The following GCH1 variants were observed in gnomAD, a reference collection of about 807,000 sequenced individuals.
GCH1 encodes the protein GTP cyclohydrolase 1.
Under a neutral mutation model 25.9 loss-of-function variants are expected in GCH1, and 5 were observed. The ratio of observed to expected loss-of-function variants is 0.19; its 90% CI spans 0.10 to 0.41. The LOEUF is 0.41. Ranked by LOEUF, GCH1 falls within the 10% of genes least tolerant of loss-of-function variation. The pLI is 1.00. For synonymous variants in GCH1, 159 were observed against 129.6 expected, an observed-to-expected ratio of 1.23 and a Z score of -1.54; for missense variants, 261 against 336.5, an observed-to-expected ratio of 0.78 and a Z score of 1.75.
At chr14:54,901,318 G>C (rs1158750484) in intron 1 of GCH1, among the ~76,000 whole-genome samples, 1 of 152,184 alleles carries the variant, frequency 6.6e-6, no homozygotes, top group African/African-American at 2.4e-5. Flanking sequence ...GGAAGGTGTA[G>C]ACTGGAAAAT....
intron 3 of GCH1, among the ~76,000 whole-genome samples, chr14:54,855,197 A>G (rs940638909): frequency 4.6e-5 from 7 of 152,148 alleles, no homozygotes; most frequent in Non-Finnish European, 1.0e-4. Flanking sequence ...ACTTCAAGGT[A>G]TTTTAAATTT....
At chr14:54,889,033 C>G (rs541528666) in intron 1 of GCH1, among the ~76,000 whole-genome samples, 13 of 152,290 alleles carry the variant, frequency 8.5e-5, no homozygotes, top group South Asian at 6.2e-4. Flanking sequence ...AAAGGACACG[C>G]AGCATGGGAT....
chr14:54,851,963 T>C (rs939841376), intron 3 of GCH1, among the ~76,000 whole-genome samples: 2 of 152,190 alleles, frequency 1.3e-5, no homozygotes, highest in African/African-American at 4.8e-5. Flanking sequence ...GTAATTTTTG[T>C]ATTTTTAGTA....
chr14:54,867,498 G>C (rs1005270238), intron 1 of GCH1, among the ~76,000 whole-genome samples: 10 of 143,930 alleles, frequency 6.9e-5, no homozygotes, highest in Non-Finnish European at 1.3e-4. Flanking sequence ...TGAGACAGGA[G>C]AATTGCTTGA....
chr14:54,852,512 C>T (rs1303369219), intron 3 of GCH1, among the ~76,000 whole-genome samples: 2 of 152,178 alleles, frequency 1.3e-5, no homozygotes, highest in Non-Finnish European at 2.9e-5. Context: ...TACGCCAAAT[C>T]ACCTAACGTG....
Position 54,902,414 on chromosome 14 carries a change from C to T in GCH1, c.250G>A (p.Glu84Lys). ...AGCAGCCCTTGCCGCTGGGGGTTCTCGCCCAGCGAGCTCAGGATGGACGAG... is the reference window on the plus strand; with the variant it reads ...AGCAGCCCTTGCCGCTGGGGGTTCTTGCCCAGCGAGCTCAGGATGGACGAG... ...AYSSILSSLG[E>K]NPQRQGLLKT... is the part of the protein sequence containing the mutation. The change falls in exon 1 of 6, where the codon GAG becomes AAG. Residue 84 changes from glutamate to lysine, a missense_variant. Transcript: ENST00000491895. 6.2e-7 allele frequency: 1 copy of T among 1,613,088 alleles called. No homozygotes were observed. The highest frequency in any genetic ancestry group is 8.5e-7 in the Non-Finnish European group (1 of 1,179,822).
rs532312746 is a variant in GCH1 at position 54,863,230 on chromosome 14, T to C, written c.453+2097A>G. ...GTCAGGAGATCAAGACCATCCTGGC[T>C]AACACCGTGAAACCCCTTCTCTACT... On this transcript the variant is annotated intron_variant, in intron 2 of 5. Coordinates refer to ENST00000491895, the MANE Select transcript of GCH1 (RefSeq NM_000161.3). 1.8e-4 allele frequency among the ~76,000 whole-genome samples: 28 copies of C among 151,626 alleles called. No individual in the cohort carries two copies. In the South Asian group the frequency reaches 2.1e-3, roughly 11 times the overall value.
chr14:54,855,866 A>G (rs528385241), intron 3 of GCH1, among the ~76,000 whole-genome samples: 10 of 152,224 alleles, frequency 6.6e-5, no homozygotes, highest in Non-Finnish European at 1.2e-4. Context: ...AGTACAGAAT[A>G]TAAGATATGA....
At chr14:54,845,881 A>G in intron 4 of GCH1, 29 bp from the exon 5 acceptor site, 1 of 1,180,276 alleles carries the variant, frequency 8.5e-7, no homozygotes, top group East Asian at 2.3e-5. Flanking sequence ...GCTCAGTTTG[A>G]GAGTCTGACA....
Position 54,900,946 on chromosome 14 carries a change from T to C in GCH1, c.343+1375A>G, listed in dbSNP as rs115023312. On this transcript the variant is annotated intron_variant, in intron 1 of 5. Transcript: ENST00000491895. The stretch of plus-strand genomic sequence containing the variant: ...TCCCACAGAAAACTGAAAGTTTATT[T>C]TTCAGTCTTTGTATTTTGAAATCTC... Among the ~76,000 whole-genome samples, 1,457 of 152,120 alleles carry C rather than the reference T, an allele frequency of 9.6e-3. 26 individuals carry two copies. Among genetic ancestry groups the C allele is most frequent in the African/African-American group, 0.033 (1,366 of 41,482 alleles).
chr14:54,846,236 T>A lies in GCH1; in HGVS notation c.542-384A>T, dbSNP rs188332242. On this transcript the variant is annotated intron_variant, in intron 4 of 5. Transcript: ENST00000491895. ...AACAGGGTTAACAAAGGGGCTGCAG[T>A]CCAATTATTGAATTGTGCTTAGAGC... Among the ~76,000 whole-genome samples the A allele has an allele frequency of 3.9e-3, 601 of 152,328 alleles. 5 individuals are homozygous for A. The highest frequency in any genetic ancestry group is 0.013 in the African/African-American group (561 of 41,576).
At chr14:54,899,289 C>G (rs1393814405) in intron 1 of GCH1, among the ~76,000 whole-genome samples, 1 of 151,962 alleles carries the variant, frequency 6.6e-6, no homozygotes, top group African/African-American at 2.4e-5. Flanking sequence ...GGCAAAAACC[C>G]GTCTCTATCA....
chr14:54,891,605 T>C (rs1309889610), intron 1 of GCH1, among the ~76,000 whole-genome samples: 2 of 152,088 alleles, frequency 1.3e-5, no homozygotes, highest in Non-Finnish European at 2.9e-5. Flanking sequence ...AAATGAGGTT[T>C]GGCCATGTTG....
At chr14:54,845,676 T>C in intron 5 of GCH1, 92 bp downstream of exon 5, 1 of 799,262 alleles carries the variant, frequency 1.3e-6, no homozygotes, top group South Asian at 1.4e-5. Flanking sequence ...TTGTGTGGCA[T>C]CACCTGGTGC....
chr14:54,862,720 G>A (rs541242663), intron 2 of GCH1, among the ~76,000 whole-genome samples: 1 of 149,064 alleles, frequency 6.7e-6, no homozygotes, highest in East Asian at 2.0e-4. Context: ...CTCCCAAAGT[G>A]TTGAGATTAC....
chr14:54,858,378 C>T (rs944498664), intron 3 of GCH1, among the ~76,000 whole-genome samples: 2 of 152,088 alleles, frequency 1.3e-5, no homozygotes, highest in African/African-American at 4.8e-5. Context: ...CTCTGCCTCC[C>T]GGGTTCAAGT....
At chr14:54,854,823 AAGT>A (rs2039784264) in intron 3 of GCH1, among the ~76,000 whole-genome samples, 1 of 152,240 alleles carries the variant, frequency 6.6e-6, no homozygotes, top group South Asian at 2.1e-4. Context: ...AAAGATTTAA[AAGT>A]GTGATGAAAA....
At chr14:54,867,258 A>G (rs1425893375) in intron 1 of GCH1, among the ~76,000 whole-genome samples, 1 of 152,184 alleles carries the variant, frequency 6.6e-6, no homozygotes, top group Non-Finnish European at 1.5e-5. Flanking sequence ...CATATGGCCC[A>G]TGTTAAAGTC....
At chr14:54,877,918 T>C (rs1177926684) in intron 1 of GCH1, among the ~76,000 whole-genome samples, 1 of 152,210 alleles carries the variant, frequency 6.6e-6, no homozygotes, top group Non-Finnish European at 1.5e-5. Flanking sequence ...TGAGCAGACC[T>C]GAGAATTTGC....
Sources: allele counts gnomAD v4.1 joint callset (sites outside exome capture counted in the v4.1 genomes callset), GRCh38; gene constraint gnomAD v4.1.1; transcripts MANE v1.5; gene names NCBI Gene and HGNC (gene_info 2026-07-23, HGNC 2026-07-21).